Variants in DLG2 observed in about 807,000 individuals in gnomAD.
The protein encoded by DLG2 is disks large homolog 2.
A neutral mutation model predicts 132.5 loss-of-function variants in DLG2; 45 were observed. The observed-to-expected ratio is 0.34, with a 90% CI of 0.27 to 0.44. DLG2 has a LOEUF of 0.44. Among genes scored for constraint, DLG2 ranks in the 20% least tolerant of loss-of-function variants. The probability of loss-of-function intolerance (pLI) is 1.00; values close to 1 mark genes in which losing one functional copy is unlikely to be tolerated. For synonymous variants in DLG2, 424 were observed against 419.6 expected (o/e 1.01, Z -0.13); for missense variants, 1,045 against 1,196.9 (o/e 0.87, Z 1.87).
intron 6 of DLG2, among the ~76,000 whole-genome samples, chr11:84,727,196 C>T (rs2062585188): frequency 6.6e-6 from 1 of 151,970 alleles, no homozygotes; most frequent in Admixed American, 6.6e-5. Context: ...TGGTATTGCC[C>T]AGGTTTTCTT....
At chr11:85,282,731 GAATAA>G (rs1037144014) in intron 4 of DLG2, among the ~76,000 whole-genome samples, 1 of 151,848 alleles carries the variant, frequency 6.6e-6, no homozygotes, top group African/African-American at 2.4e-5. Context: ...TCTAGAAATT[GAATAA>G]AATAATGTTT....
At chr11:84,313,343 G>A (rs1483718552) in intron 7 of DLG2, among the ~76,000 whole-genome samples, 1 of 148,174 alleles carries the variant, frequency 6.7e-6, no homozygotes, top group Non-Finnish European at 1.5e-5. Context: ...TTGAACTTCT[G>A]GCCTCTAGTG....
At chr11:85,095,512 A>G (rs191609214) in intron 6 of DLG2, among the ~76,000 whole-genome samples, 1 of 152,226 alleles carries the variant, frequency 6.6e-6, no homozygotes, top group Admixed American at 6.5e-5. Flanking sequence ...TTGTTTTTTC[A>G]GTCCTATGGG....
intron 7 of DLG2, among the ~76,000 whole-genome samples, chr11:84,357,128 C>A (rs1303402399): frequency 6.6e-6 from 1 of 151,916 alleles, no homozygotes; most frequent in Non-Finnish European, 1.5e-5. Flanking sequence ...AGAAAGCCAC[C>A]AAAGGGCTAT....
chr11:83,711,582 G>A (rs2085435525), intron 18 of DLG2, among the ~76,000 whole-genome samples: 1 of 152,176 alleles, frequency 6.6e-6, no homozygotes, highest in African/African-American at 2.4e-5. Context: ...TAATATCTAT[G>A]TGTGACCAAG....
At chr11:85,353,777 G>A (rs995669173) in intron 3 of DLG2, among the ~76,000 whole-genome samples, 1 of 152,208 alleles carries the variant, frequency 6.6e-6, no homozygotes, top group South Asian at 2.1e-4. Flanking sequence ...TCATAGGTGG[G>A]AATTCAACAG....
In DLG2 at chr11:84,271,972, A is replaced by G. The variant is rs548108325; in HGVS notation, c.520-20681T>C. ...AACAAAAAAAAAAAAAAAAAAAAAA[A>G]GGAAGAGAAGTCTCATAAACATAGG... On this transcript the variant is annotated intron_variant, in intron 7 of 27. Transcript: ENST00000376104. Among the ~76,000 whole-genome samples the G allele has an allele frequency of 1.4e-4, 19 of 135,824 alleles. No individual in the cohort carries two copies. In the South Asian group the frequency reaches 4.2e-3, roughly 30 times the overall value. The allele number at this position is 135,824 out of a possible 152,430, so 89.1% of individuals were successfully genotyped here.
intron 6 of DLG2, among the ~76,000 whole-genome samples, chr11:84,740,153 T>G (rs1375718400): frequency 6.6e-6 from 1 of 151,910 alleles, no homozygotes; most frequent in African/African-American, 2.4e-5. Flanking sequence ...AACATTTTAC[T>G]GGAGTGCCAA....
chr11:84,292,857 G>A (rs1292335969), intron 7 of DLG2, among the ~76,000 whole-genome samples: 1 of 151,994 alleles, frequency 6.6e-6, no homozygotes, highest in East Asian at 1.9e-4. Flanking sequence ...GGAAGAAGAA[G>A]AATTATCTTG....
At chr11:84,163,550 A>T (rs757873075) in intron 8 of DLG2, 39 bp from the exon 9 acceptor site, 1 of 1,539,878 alleles carries the variant, frequency 6.5e-7, no homozygotes, top group South Asian at 1.2e-5. Flanking sequence ...ACTATTAAAT[A>T]CATGTTGAGG....
At chr11:84,984,919 G>T (rs756654560) in intron 6 of DLG2, among the ~76,000 whole-genome samples, 8 of 152,136 alleles carry the variant, frequency 5.3e-5, no homozygotes, top group Non-Finnish European at 8.8e-5. Flanking sequence ...AACAGGCCTT[G>T]TCCAACAGGA....
intron 6 of DLG2, among the ~76,000 whole-genome samples, chr11:84,582,942 C>A (rs1231771759): frequency 1.3e-5 from 2 of 152,078 alleles, no homozygotes; most frequent in Non-Finnish European, 2.9e-5. Context: ...TTTAATCTTT[C>A]CTAAAGGAGC....
intron 6 of DLG2, among the ~76,000 whole-genome samples, chr11:84,873,245 A>C (rs184023056): frequency 3.4e-4 from 52 of 152,276 alleles, no homozygotes; most frequent in Admixed American, 2.9e-3. Flanking sequence ...GTGATGACAG[A>C]AGCAGAGGTT....
chr11:84,680,529 A>G (rs2099726287), intron 6 of DLG2, among the ~76,000 whole-genome samples: 1 of 152,140 alleles, frequency 6.6e-6, no homozygotes, highest in South Asian at 2.1e-4. Flanking sequence ...CCAGGAAATC[A>G]TTTCTACTGG....
chr11:84,287,823 TTAA>T (rs2097927753), intron 7 of DLG2, among the ~76,000 whole-genome samples: 1 of 151,358 alleles, frequency 6.6e-6, no homozygotes, highest in African/African-American at 2.4e-5. Flanking sequence ...GAAGGTGTCA[TTAA>T]TAATGACTTT....
chr11:85,250,402 T>C (rs575274646), intron 4 of DLG2, among the ~76,000 whole-genome samples: 4 of 152,292 alleles, frequency 2.6e-5, no homozygotes, highest in African/African-American at 9.6e-5. Flanking sequence ...ATCATAGTAG[T>C]ATGCCTGCCT....
chr11:84,651,518 A>C (rs1277725799), intron 6 of DLG2, among the ~76,000 whole-genome samples: 1 of 152,156 alleles, frequency 6.6e-6, no homozygotes, highest in Non-Finnish European at 1.5e-5. Context: ...AAGCTTTCAA[A>C]GCCATAAAGA....
Position 85,624,516 on chromosome 11 carries a change from C to G in DLG2, c.-93+2071G>C, listed in dbSNP as rs142572693. The stretch of plus-strand genomic sequence containing the variant: ...GAAACAATGAAGAGAGAAAAAGACT[C>G]AAGGTGACAGAGGACAGTGATCCCT... On this transcript the variant is annotated intron_variant, in intron 2 of 27. Coordinates refer to ENST00000376104, the MANE Select transcript of DLG2 (RefSeq NM_001142699.3). Among the ~76,000 whole-genome samples the G allele has an allele frequency of 3.9e-5, 6 of 152,268 alleles. No homozygotes were observed. The East Asian group carries it at 5.8e-4, about 15-fold the overall frequency.
chr11:83,801,710 GT>G (rs1260090423), intron 17 of DLG2, among the ~76,000 whole-genome samples: 2 of 151,818 alleles, frequency 1.3e-5, no homozygotes, highest in Non-Finnish European at 2.9e-5. Context: ...AATTCATCTG[GT>G]TTTACTTTCT....
Sources: allele counts gnomAD v4.1 joint callset (sites outside exome capture counted in the v4.1 genomes callset), GRCh38; gene constraint gnomAD v4.1.1; transcripts MANE v1.5; gene names NCBI Gene and HGNC (gene_info 2026-07-23, HGNC 2026-07-21).